FGF12: variants seen among roughly 807,000 people sequenced by gnomAD.
FGF12 encodes fibroblast growth factor 12.
In FGF12, 14 loss-of-function variants were observed where a neutral mutation model predicts 23.6. The ratio of observed to expected loss-of-function variants is 0.59; its 90% CI spans 0.39 to 0.93. The LOEUF (loss-of-function observed/expected upper bound fraction) is 0.93, where lower values mean the gene tolerates loss of function less well. Ranked by LOEUF, FGF12 falls within the 40% of genes least tolerant of loss-of-function variation. FGF12 has a pLI of 0.00. For missense variants in FGF12, 175 were observed against 217.8 expected (o/e 0.80, Z 1.24); for synonymous variants, 62 against 77.3 (o/e 0.80, Z 1.04).
rs563634993 is a variant in FGF12, at chr3:192,499,700, T to C, written c.14-139162A>G. Reference sequence around the variant, plus strand: ...GCACCCACCACCTCACACGGCTAATTGTTTGTATTTTTAGTAGAGATGGAG... The same window carrying C: ...GCACCCACCACCTCACACGGCTAATCGTTTGTATTTTTAGTAGAGATGGAG... On this transcript the variant is annotated intron_variant, in intron 2 of 5. Transcript: ENST00000445105. 1.3e-4 allele frequency among the ~76,000 whole-genome samples: 19 copies of C among 150,100 alleles called. No homozygotes were observed. In the South Asian group the frequency reaches 4.1e-3, roughly 32 times the overall value.
intron 2 of FGF12, among the ~76,000 whole-genome samples, chr3:192,449,248 T>C (rs1722450745): frequency 6.6e-6 from 1 of 152,146 alleles, no homozygotes; most frequent in Non-Finnish European, 1.5e-5. Flanking sequence ...CTGGAGGAAG[T>C]GGTTTCTCTC....
intron 2 of FGF12, among the ~76,000 whole-genome samples, chr3:192,643,301 T>TA (rs1174652477): frequency 1.3e-5 from 2 of 152,120 alleles, no homozygotes; most frequent in Non-Finnish European, 2.9e-5. Context: ...ACAAAATTTT[T>TA]AAAAAATTAT....
At chr3:192,556,596 C>T (rs1711785663) in intron 2 of FGF12, among the ~76,000 whole-genome samples, 1 of 152,060 alleles carries the variant, frequency 6.6e-6, no homozygotes, top group East Asian at 1.9e-4. Flanking sequence ...ACTCCACTTT[C>T]AATAATGGAC....
intron 2 of FGF12, among the ~76,000 whole-genome samples, chr3:192,445,877 C>A (rs185276280): frequency 9.5e-4 from 144 of 152,282 alleles, no homozygotes; most frequent in African/African-American, 3.1e-3. Context: ...CTCTCCTCTG[C>A]CACTCAGGCA....
At chr3:192,488,985 T>C (rs1356383842) in intron 2 of FGF12, among the ~76,000 whole-genome samples, 1 of 152,082 alleles carries the variant, frequency 6.6e-6, no homozygotes, top group Non-Finnish European at 1.5e-5. Flanking sequence ...CTGTTAGCCT[T>C]ATGATAGGAT....
At chr3:192,359,800 C>CA (rs1718638163) in intron 3 of FGF12, among the ~76,000 whole-genome samples, 1 of 151,642 alleles carries the variant, frequency 6.6e-6, no homozygotes, top group South Asian at 2.1e-4. Flanking sequence ...TTTCCCCCCC[C>CA]AAAATTTTTA....
chr3:192,561,485 T>C (rs548575567), intron 2 of FGF12, among the ~76,000 whole-genome samples: 26 of 151,956 alleles, frequency 1.7e-4, no homozygotes, highest in South Asian at 6.2e-4. Flanking sequence ...GCCTCAGCCT[T>C]CTGAGTAGCT....
chr3:192,276,208 T>C (rs966100170), intron 4 of FGF12, among the ~76,000 whole-genome samples: 2 of 129,742 alleles, frequency 1.5e-5, no homozygotes, highest in African/African-American at 5.5e-5. Flanking sequence ...GCAGAAAATA[T>C]AGTCCACGTG....
At chr3:192,622,674 A>G (rs1278745837) in intron 2 of FGF12, among the ~76,000 whole-genome samples, 1 of 152,218 alleles carries the variant, frequency 6.6e-6, no homozygotes, top group Non-Finnish European at 1.5e-5. Flanking sequence ...AACATTAAAT[A>G]TGATCATGGA....
At chr3:192,376,768 T>C (rs558687209) in intron 2 of FGF12, among the ~76,000 whole-genome samples, 1 of 152,370 alleles carries the variant, frequency 6.6e-6, no homozygotes, top group South Asian at 2.1e-4. Context: ...ACATTATTTT[T>C]AAAATTTATT....
At chr3:192,177,494 C>T (rs1173775825) in intron 4 of FGF12, among the ~76,000 whole-genome samples, 1 of 152,180 alleles carries the variant, frequency 6.6e-6, no homozygotes, top group Admixed American at 6.5e-5. Context: ...CTTTCCAACT[C>T]AAGTAGGAAT....
At chr3:192,538,740 T>G (rs1024902604) in intron 2 of FGF12, among the ~76,000 whole-genome samples, 11 of 152,230 alleles carry the variant, frequency 7.2e-5, no homozygotes, top group African/African-American at 2.4e-4. Flanking sequence ...AGTATGAATA[T>G]TTTAACAATA....
At chr3:192,493,138 T>G (rs1020648247) in intron 2 of FGF12, among the ~76,000 whole-genome samples, 2 of 152,050 alleles carry the variant, frequency 1.3e-5, no homozygotes, top group Admixed American at 6.6e-5. Context: ...AGTCAGAGTA[T>G]GCCTTGGCCA....
chr3:192,198,578 G>A (rs1231800480), intron 4 of FGF12, among the ~76,000 whole-genome samples: 1 of 152,194 alleles, frequency 6.6e-6, no homozygotes, highest in Non-Finnish European at 1.5e-5. Context: ...CTAGGTATAA[G>A]TGCCTATGAG....
intron 2 of FGF12, among the ~76,000 whole-genome samples, chr3:192,692,888 T>G (rs1173072098): frequency 1.3e-5 from 2 of 152,030 alleles, no homozygotes; most frequent in Non-Finnish European, 2.9e-5. Flanking sequence ...GAAGCTTTTC[T>G]CTAGGGTCTG....
intron 4 of FGF12, among the ~76,000 whole-genome samples, chr3:192,271,636 C>T (rs1406162676): frequency 6.6e-6 from 1 of 152,152 alleles, no homozygotes; most frequent in African/African-American, 2.4e-5. Context: ...TAATTTACTC[C>T]TAATTTTTCC....
At chr3:192,592,821 T>C (rs1713684233) in intron 2 of FGF12, among the ~76,000 whole-genome samples, 1 of 151,914 alleles carries the variant, frequency 6.6e-6, no homozygotes, top group Non-Finnish European at 1.5e-5. Context: ...GCTCGACTCA[T>C]AGCTCCTCTA....
At chr3:192,463,997 AT>A (rs1560118921) in intron 2 of FGF12, among the ~76,000 whole-genome samples, 14 of 152,078 alleles carry the variant, frequency 9.2e-5, no homozygotes, top group African/African-American at 3.4e-4. Context: ...CTACTCTTAG[AT>A]CAGTGGTTCT....
intron 2 of FGF12, among the ~76,000 whole-genome samples, chr3:192,442,323 G>T (rs1326489276): frequency 6.6e-6 from 1 of 152,232 alleles, no homozygotes; most frequent in African/African-American, 2.4e-5. Context: ...GTGGATGAAA[G>T]CTGCTTCCAG....
Sources: gnomAD v4.1 joint callset for allele counts (sites outside exome capture counted in the v4.1 genomes callset) on GRCh38, gnomAD v4.1.1 for gene constraint, MANE v1.5 for transcripts, NCBI Gene and HGNC (gene_info 2026-07-23, HGNC 2026-07-21) for gene names.